Variants in NEK7 observed in about 807,000 individuals in gnomAD.
The protein encoded by NEK7 is serine/threonine-protein kinase Nek7.
A neutral mutation model predicts 44.6 loss-of-function variants in NEK7; 18 were observed. The observed-to-expected ratio is 0.40, with a 90% CI of 0.28 to 0.60. The LOEUF is 0.60. Ranked by LOEUF, NEK7 falls within the 20% of genes least tolerant of loss-of-function variation. The pLI, the probability that NEK7 is intolerant of heterozygous loss-of-function variation, is 0.38. For synonymous variants in NEK7, 130 were observed against 121.1 expected (o/e 1.07, Z -0.48); for missense variants, 256 against 366.5 (o/e 0.70, Z 2.46).
rs115362827 is a variant in NEK7, at chr1:198,297,897, C to G, written c.798+657C>G. ...AAGGCTACCTTATTAAGATCTGAGT[C>G]TGAATGCTTGCTTGCTTGCTTTGGT... On this transcript the variant is annotated intron_variant, in intron 9 of 9. Transcript: ENST00000367385. Among the ~76,000 whole-genome samples, 355 of 152,302 alleles carry G rather than the reference C, an allele frequency of 2.3e-3. 2 individuals carry two copies. Among genetic ancestry groups the G allele is most frequent in the African/African-American group, 8.3e-3 (343 of 41,568 alleles).
chr1:198,199,371 T>C (rs2102787689), intron 1 of NEK7, among the ~76,000 whole-genome samples: 1 of 152,306 alleles, frequency 6.6e-6, no homozygotes, highest in East Asian at 1.9e-4. Context: ...TCCCTGCAGC[T>C]TGGGGAATGA....
chr1:198,230,650 T>C (rs1666361103), intron 1 of NEK7, among the ~76,000 whole-genome samples: 2 of 152,074 alleles, frequency 1.3e-5, no homozygotes, highest in Admixed American at 6.6e-5. Context: ...TTCTATTCAT[T>C]GTACTGGATG....
chr1:198,157,472 G>A (rs1663934706), intron 1 of NEK7, among the ~76,000 whole-genome samples, 196 bp downstream of exon 1: 1 of 152,196 alleles, frequency 6.6e-6, no homozygotes. Context: ...GTTGGCAGCG[G>A]TGGGAGGGGG....
chr1:198,238,357 G>A (rs1425731244), intron 2 of NEK7, among the ~76,000 whole-genome samples: 1 of 152,046 alleles, frequency 6.6e-6, no homozygotes, highest in Admixed American at 6.6e-5. Flanking sequence ...CAAGGGGCGG[G>A]GTGGGGTGAG....
intron 1 of NEK7, among the ~76,000 whole-genome samples, chr1:198,210,057 C>G (rs1234883410): frequency 6.6e-6 from 1 of 152,124 alleles, no homozygotes; most frequent in African/African-American, 2.4e-5. Flanking sequence ...CTGGGCCTCC[C>G]AAGGTGCTAG....
At chr1:198,159,414 T>C (rs1664031938) in intron 1 of NEK7, among the ~76,000 whole-genome samples, 1 of 152,158 alleles carries the variant, frequency 6.6e-6, no homozygotes, top group Admixed American at 6.5e-5. Flanking sequence ...TGAAAGTTTA[T>C]AGTAGATTAG....
chr1:198,297,698 A>T (rs1448279187), intron 9 of NEK7, among the ~76,000 whole-genome samples: 1 of 152,196 alleles, frequency 6.6e-6, no homozygotes, highest in East Asian at 1.9e-4. Context: ...CGAAACACGC[A>T]TCTCTTAACT....
intron 2 of NEK7, among the ~76,000 whole-genome samples, chr1:198,233,105 A>C (rs76917656): frequency 0.028 from 4,142 of 149,710 alleles, 183 homozygotes; most frequent in African/African-American, 0.095. Flanking sequence ...AAAAAAAAAA[A>C]GGTGAGACTG....
chr1:198,251,518 G>C (rs1433579281), intron 2 of NEK7, among the ~76,000 whole-genome samples: 1 of 151,620 alleles, frequency 6.6e-6, no homozygotes, highest in East Asian at 1.9e-4. Context: ...GACTCTTTTT[G>C]GTTGGTAAGC....
chr1:198,292,970 A>G lies in NEK7; in HGVS notation c.615A>G (p.Pro205=), dbSNP rs756354877. 20 of 1,597,126 alleles carry G rather than the reference A, an allele frequency of 1.3e-5. No homozygotes were observed. The highest frequency in any genetic ancestry group is 1.4e-5 in the Non-Finnish European group (16 of 1,165,228). Residue 205 remains proline, a synonymous_variant, in exon 8 of 10, where the codon CCA becomes CCG. Coordinates refer to ENST00000367385, the MANE Select transcript of NEK7 (RefSeq NM_133494.3). ...TTGGTACGCCTTATTACATGTCTCC[A>G]GAGAGAATACATGAAAATGGATACA... The part of the protein sequence containing the change: ...SLVGTPYYMS[P]ERIHENGYNF...
chr1:198,313,267 C>T (rs12023693), intron 9 of NEK7, among the ~76,000 whole-genome samples: 22,724 of 152,072 alleles, frequency 0.15, 1,977 homozygotes, highest in East Asian at 0.43. Flanking sequence ...GCCACCCCTC[C>T]CTTTTTTTGT....
At chr1:198,271,978 A>G (rs1287032007) in intron 5 of NEK7, among the ~76,000 whole-genome samples, 1 of 149,498 alleles carries the variant, frequency 6.7e-6, no homozygotes, top group Non-Finnish European at 1.5e-5. Context: ...TACATAACAT[A>G]TGTACATCTA....
At chr1:198,297,360 C>T in intron 9 of NEK7, 120 bp downstream of exon 9, 2 of 1,207,608 alleles carry the variant, frequency 1.7e-6, no homozygotes, top group Non-Finnish European at 1.2e-6. Flanking sequence ...AGAACTAGCA[C>T]TTTTTAATTC....
At chr1:198,192,713 C>T (rs186454588) in intron 1 of NEK7, among the ~76,000 whole-genome samples, 192 of 152,080 alleles carry the variant, frequency 1.3e-3, no homozygotes, top group African/African-American at 4.4e-3. Flanking sequence ...CTGAATGACT[C>T]CTGGGTAAAT....
intron 2 of NEK7, among the ~76,000 whole-genome samples, chr1:198,249,283 T>TA (rs1652819151): frequency 6.9e-6 from 1 of 143,934 alleles, no homozygotes; most frequent in African/African-American, 2.7e-5. Context: ...CTTAATCCAG[T>TA]CTATCATTGT....
intron 2 of NEK7, among the ~76,000 whole-genome samples, chr1:198,239,644 T>C (rs938420529): frequency 1.3e-5 from 2 of 152,134 alleles, no homozygotes; most frequent in African/African-American, 4.8e-5. Flanking sequence ...TTGTATATCA[T>C]ATTTTATATC....
intron 1 of NEK7, among the ~76,000 whole-genome samples, chr1:198,223,869 A>G (rs1666139273): frequency 6.6e-6 from 1 of 152,174 alleles, no homozygotes; most frequent in Admixed American, 6.5e-5. Context: ...TAGAAGATCT[A>G]AATAACTCAG....
At chr1:198,260,152 A>G (rs1342550018) in intron 3 of NEK7, among the ~76,000 whole-genome samples, 2 of 152,164 alleles carry the variant, frequency 1.3e-5, no homozygotes, top group African/African-American at 4.8e-5. Flanking sequence ...GGTTATTCAT[A>G]TTAATAATTT....
intron 1 of NEK7, among the ~76,000 whole-genome samples, chr1:198,209,752 T>C (rs567547527): frequency 6.6e-6 from 1 of 150,398 alleles, no homozygotes; most frequent in Non-Finnish European, 1.5e-5. Context: ...CCTCCTGCCT[T>C]GGCCTTCCAA....
Sources: gnomAD v4.1 joint callset for allele counts (sites outside exome capture counted in the v4.1 genomes callset) on GRCh38, gnomAD v4.1.1 for gene constraint, MANE v1.5 for transcripts, NCBI Gene and HGNC (gene_info 2026-07-23, HGNC 2026-07-21) for gene names.